SLC17A6: variants seen among roughly 807,000 people sequenced by gnomAD.
The protein encoded by SLC17A6 is solute carrier family 17 member 6, also known as vesicular glutamate transporter 2.
In SLC17A6, 35 loss-of-function variants were observed where a neutral mutation model predicts 67.1. That is an observed-to-expected ratio of 0.52 (90% CI 0.40 to 0.69). SLC17A6 has a LOEUF of 0.69. SLC17A6 is among the 30% of genes least tolerant of loss of function. SLC17A6 has a pLI of 0.00. For missense variants in SLC17A6, 588 were observed against 723.9 expected, an observed-to-expected ratio of 0.81 and a Z score of 2.15; for synonymous variants, 285 against 252.3, an observed-to-expected ratio of 1.13 and a Z score of -1.23.
chr11:22,356,435 A>G, intron 3 of SLC17A6, among the ~76,000 whole-genome samples: 1 of 152,222 alleles, frequency 6.6e-6, no homozygotes, highest in East Asian at 1.9e-4. Flanking sequence ...ATAAAATTAA[A>G]TAAGAAGATG....
intron 1 of SLC17A6, among the ~76,000 whole-genome samples, chr11:22,338,935 C>T (rs1478925137): frequency 6.7e-6 from 1 of 150,340 alleles, no homozygotes; most frequent in Non-Finnish European, 1.5e-5. Flanking sequence ...AATGGCCAGC[C>T]CCTGCTCAAA....
rs149700425 is a variant in SLC17A6, at chr11:22,374,643, T to G, written c.1042-112T>G. On this transcript the variant is annotated intron_variant, in intron 8 of 11. Transcript: ENST00000263160. ...TAAGTGATCATTTGGAAAGATTATT[T>G]TTCCTTCCTTTGTCCATAAAGATGT... is the stretch of plus-strand genomic sequence containing the variant. 623 of 848,794 alleles carry G rather than the reference T, an allele frequency of 7.3e-4. 4 individuals carry two copies. The African/African-American group carries it at 9.8e-3, about 13-fold the overall frequency. The allele number at this position is 848,794 out of a possible 1,614,324, so 52.6% of individuals were successfully genotyped here.
rs1197863598 is a variant in SLC17A6 at position 22,341,640 on chromosome 11, C to T, written c.199C>T (p.Leu67=). 6.2e-7 allele frequency: 1 copy of T among 1,613,724 alleles called. No homozygotes were observed. The highest frequency in any genetic ancestry group is 1.3e-5 in the African/African-American group (1 of 74,942). ...APLCDCTCFG[L]PRRYIIAIMS... ...GCTGTGCGACTGCACGTGCTTCGGC[C>T]TGCCCCGCCGCTACATTATCGCCAT... The change falls in exon 2 of 12, where the codon CTG becomes TTG. Residue 67 remains leucine (L), a synonymous_variant. Transcript: ENST00000263160.
At chr11:22,359,374 T>G (rs1236085864) in intron 3 of SLC17A6, 39 bp from the exon 4 acceptor site, 19 of 1,303,156 alleles carry the variant, frequency 1.5e-5, no homozygotes, top group Non-Finnish European at 1.7e-5. Flanking sequence ...TATAAGATGC[T>G]GAATCATTTA....
intron 3 of SLC17A6, among the ~76,000 whole-genome samples, chr11:22,348,553 C>T (rs114359121): frequency 1.2e-3 from 176 of 152,238 alleles, no homozygotes; most frequent in African/African-American, 4.0e-3. Context: ...TTTTCTGCCA[C>T]GCAGACACCT....
chr11:22,349,999 G>C (rs965423891), intron 3 of SLC17A6, among the ~76,000 whole-genome samples: 1 of 152,164 alleles, frequency 6.6e-6, no homozygotes, highest in African/African-American at 2.4e-5. Flanking sequence ...TAGGGAAAAT[G>C]AACATCATCT....
At chr11:22,374,949 G>T (rs1227673050) in intron 9 of SLC17A6, 62 bp downstream of exon 9, 14 of 1,446,100 alleles carry the variant, frequency 9.7e-6, no homozygotes, top group African/African-American at 2.9e-5. Flanking sequence ...CTACATGAGA[G>T]AATAACTTTT....
chr11:22,374,522 G>A (rs546617370), intron 8 of SLC17A6, among the ~76,000 whole-genome samples: 2 of 90,016 alleles, frequency 2.2e-5, no homozygotes, highest in Non-Finnish European at 2.3e-5. Context: ...GATGCATTAC[G>A]TGGCAAAAAA....
In SLC17A6 at chr11:22,376,637, T is replaced by G; in HGVS notation, c.1378T>G (p.Cys460Gly). 1 of 1,614,052 alleles carries G rather than the reference T, an allele frequency of 6.2e-7. No homozygotes were observed. Among genetic ancestry groups the G allele is most frequent in the Non-Finnish European group, 8.5e-7 (1 of 1,179,946 alleles). ...NGVGTLSGMV[C>G]PIIVGAMTKN... ...TGTTGGCACATTGTCAGGAATGGTTTGTCCTATCATTGTTGGTGCAATGAC... is the reference window on the plus strand; with the variant it reads ...TGTTGGCACATTGTCAGGAATGGTTGGTCCTATCATTGTTGGTGCAATGAC... Residue 460 changes from cysteine (C) to glycine (G), a missense_variant, in exon 11 of 12, where the codon TGT becomes GGT. By Grantham distance (159) the Cys-to-Gly change is radical. Transcript: ENST00000263160.
rs1188468524 is a variant in SLC17A6 at position 22,379,066 on chromosome 11, CA to C, written c.*1328del. 2.0e-5 allele frequency: 3 copies of C among 152,462 alleles called. No homozygotes were observed. The highest frequency in any genetic ancestry group is 7.2e-5 in the African/African-American group (3 of 41,412). The allele number at this position is 152,462 out of a possible 1,614,324, so 9.4% of individuals were successfully genotyped here. On this transcript the variant is annotated 3_prime_UTR_variant, in exon 12 of 12. Coordinates refer to ENST00000263160, the MANE Select transcript of SLC17A6 (RefSeq NM_020346.3). ...ACATTTGTGTACCAAGCAATAAGTG[CA>C]ATGCATAAAATTTCCTGTCTGTATA...
At chr11:22,338,979 A>G (rs1012149210) in intron 1 of SLC17A6, among the ~76,000 whole-genome samples, 5 of 150,524 alleles carry the variant, frequency 3.3e-5, no homozygotes, top group Admixed American at 2.7e-4. Context: ...GATACCCCGA[A>G]TTAAATTCCT....
chr11:22,341,917 C>T, intron 2 of SLC17A6, 137 bp downstream of exon 2: 1 of 1,316,576 alleles, frequency 7.6e-7, no homozygotes. Flanking sequence ...CTGGCTCTGC[C>T]GTTCTAGAAT....
chr11:22,338,740 C>T, intron 1 of SLC17A6, 121 bp downstream of exon 1: 1 of 727,306 alleles, frequency 1.4e-6, no homozygotes, highest in Non-Finnish European at 2.4e-6. Context: ...TTTTGTTGCC[C>T]ATTGCTTGGA....
At chr11:22,342,872 G>C in intron 2 of SLC17A6, 1 of 451,110 alleles carries the variant, frequency 2.2e-6, no homozygotes, top group South Asian at 1.6e-5. Context: ...TGCATTGGCC[G>C]GATTCGTTAA....
chr11:22,352,653 C>T (rs777313473), intron 3 of SLC17A6, among the ~76,000 whole-genome samples: 18 of 151,986 alleles, frequency 1.2e-4, no homozygotes, highest in Non-Finnish European at 1.9e-4. Context: ...AATAATGGGA[C>T]GGCTTGGGGA....
chr11:22,342,156 GC>G (rs1422286674), intron 2 of SLC17A6, among the ~76,000 whole-genome samples: 9 of 152,218 alleles, frequency 5.9e-5, no homozygotes, highest in Admixed American at 5.2e-4. Flanking sequence ...TTCAGTCCCA[GC>G]CAAAACATTC....
chr11:22,352,338 CAG>C (rs1855949497), intron 3 of SLC17A6, among the ~76,000 whole-genome samples: 1 of 152,198 alleles, frequency 6.6e-6, no homozygotes, highest in African/African-American at 2.4e-5. Flanking sequence ...TGTCAACCTA[CAG>C]TTATTCTATG....
At position 22,359,437 on chromosome 11, in the gene SLC17A6, T is replaced by C; in HGVS notation, c.483T>C (p.Leu161=). 3.8e-6 allele frequency: 6 copies of C among 1,593,382 alleles called. No homozygotes were observed. The South Asian group carries it at 4.6e-5, about 12-fold the overall frequency. The stretch of plus-strand genomic sequence containing the variant: ...GGGTTTTCGGAGCTGCCATACTTCT[T>C]ACCTCTACCCTAAATATGCTAATTC... ...ANRVFGAAIL[L]TSTLNMLIPS... The change falls in exon 4 of 12, where the codon CTT becomes CTC. Residue 161 remains leucine (L), a synonymous_variant. Transcript: ENST00000263160.
In SLC17A6 at chr11:22,376,655, G is replaced by T; in HGVS notation, c.1396G>T (p.Ala466Ser). The T allele has an allele frequency of 2.5e-6, 4 of 1,613,694 alleles. No individual in the cohort carries two copies. The highest frequency in any genetic ancestry group is 3.4e-6 in the Non-Finnish European group (4 of 1,179,720). ...SGMVCPIIVGAMTKNKSREEW... is the reference protein window; with the variant it reads ...SGMVCPIIVGSMTKNKSREEW... ...AATGGTTTGTCCTATCATTGTTGGTGCAATGACAAAGAATAAGGTAAGATG... is the reference window on the plus strand; with the variant it reads ...AATGGTTTGTCCTATCATTGTTGGTTCAATGACAAAGAATAAGGTAAGATG... Residue 466 changes from alanine (A) to serine (S), a missense_variant, in exon 11 of 12, where the codon GCA (alanine) becomes TCA (serine). Physicochemically the swap from Ala to Ser is moderately conservative, Grantham distance 99 (BLOSUM62 1). Around this residue, in one of 4 missense-constraint regions of SLC17A6, gnomAD observed 414 missense variants for 563.4 expected, o/e 0.73. Transcript: ENST00000263160.
Sources: gnomAD v4.1 joint callset for allele counts (sites outside exome capture counted in the v4.1 genomes callset) on GRCh38, gnomAD v4.1.1 for gene constraint, gnomAD v4.1.1 regional missense constraint, MANE v1.5 for transcripts, NCBI Gene and HGNC (gene_info 2026-07-23, HGNC 2026-07-21) for gene names.